SSC5D: variants seen among roughly 807,000 people sequenced by gnomAD.
The protein encoded by SSC5D is soluble scavenger receptor cysteine-rich domain-containing protein SSC5D.
In SSC5D, 106 loss-of-function variants were observed where a neutral mutation model predicts 104.6. The observed-to-expected ratio is 1.01, with a 90% CI of 0.87 to 1.19. SSC5D has a LOEUF of 1.19. Ranked by LOEUF, SSC5D falls within the 50% of genes most tolerant of loss-of-function variation. SSC5D has a pLI of 0.00. For synonymous variants in SSC5D, 860 were observed against 883.5 expected, an observed-to-expected ratio of 0.97 and a Z score of 0.47; for missense variants, 1,993 against 2,153.8, an observed-to-expected ratio of 0.93 and a Z score of 1.48.
intron 12 of SSC5D, among the ~76,000 whole-genome samples, chr19:55,508,888 TG>T (rs1293241010): frequency 6.8e-5 from 4 of 58,616 alleles, no homozygotes; most frequent in African/African-American, 3.2e-4. Flanking sequence ...CCACAGGGGA[TG>T]GGGGGAGGCC....
At chr19:55,493,090 C>G (rs1041094861) in intron 6 of SSC5D, among the ~76,000 whole-genome samples, 3 of 152,178 alleles carry the variant, frequency 2.0e-5, no homozygotes, top group Non-Finnish European at 4.4e-5. Flanking sequence ...AGGTTAATAT[C>G]TAGACTAGTG....
chr19:55,511,558 T>C (rs1987756981), intron 12 of SSC5D, among the ~76,000 whole-genome samples: 1 of 152,184 alleles, frequency 6.6e-6, no homozygotes, highest in Admixed American at 6.6e-5. Context: ...TGCTATGAAC[T>C]CCTTGTACCC....
rs869296361 is a variant in SSC5D, at chr19:55,506,373, ATTTTTTTTTTTT to A, written c.2785+5200_2785+5211del. 9.7e-4 allele frequency among the ~76,000 whole-genome samples: 70 copies of A among 72,060 alleles called. 1 individual carries two copies. The highest frequency in any genetic ancestry group is 3.1e-3 in the South Asian group (5 of 1,618). The allele number at this position is 72,060 out of a possible 152,430, so 47.3% of individuals were successfully genotyped here. On this transcript the variant is annotated intron_variant, in intron 12 of 13. Transcript: ENST00000389623. ...GAGATTGGAGGCCTGTGGAATTTGG[ATTTTTTTTTTTT>A]TTTTTTTTTTTTTTTTTTTTTTTTT...
rs1448767164 is a variant in SSC5D at position 55,498,104 on chromosome 19, G to A, written c.1612G>A (p.Val538Met). 1.3e-6 allele frequency: 2 copies of A among 1,551,732 alleles called. No individual in the cohort carries two copies. The highest frequency in any genetic ancestry group is 2.4e-5 in the East Asian group (1 of 40,920). The change falls in exon 9 of 14, where the codon GTG (valine) becomes ATG (methionine). Residue 538 changes from valine to methionine, a missense_variant. Transcript: ENST00000389623. The part of the protein sequence containing the change: ...GPIWLDDVGC[V>M]GTEASLSDCP... ...CATCTGGCTAGATGATGTGGGCTGT[G>A]TGGGGACCGAGGCTTCACTGTCCGA...
In SSC5D at chr19:55,513,261, C is replaced by A; in HGVS notation, c.2947+89C>A. 20 of 1,301,516 alleles carry A rather than the reference C, an allele frequency of 1.5e-5. No individual in the cohort carries two copies. The South Asian group carries it at 3.1e-4, about 20-fold the overall frequency. 80.6% of individuals were successfully genotyped at this position (1,301,516 alleles called of 1,614,324 possible). A position where few individuals can be genotyped will look rare whatever the true frequency, so the allele number is the denominator to read the frequency against. Reference sequence around the variant, plus strand: ...TCCAGACTCCCCACTGGAACCCTTACCCCAGAAAGACTCAGCAGAAATATA... The same window carrying A: ...TCCAGACTCCCCACTGGAACCCTTAACCCAGAAAGACTCAGCAGAAATATA... On this transcript the variant is annotated intron_variant, in intron 13 of 13. Coordinates refer to ENST00000389623, the MANE Select transcript of SSC5D (RefSeq NM_001144950.2).
At chr19:55,514,939 C>G (rs373207431) in intron 13 of SSC5D, among the ~76,000 whole-genome samples, 1 of 152,198 alleles carries the variant, frequency 6.6e-6, no homozygotes, top group Non-Finnish European at 1.5e-5. Flanking sequence ...GGAAGCCATG[C>G]AGCTGGGGTT....
rs1465190488 is a variant in SSC5D, at chr19:55,518,449, C to T, written c.4173C>T (p.Ser1391=). 1 of 1,551,328 alleles carries T rather than the reference C, an allele frequency of 6.4e-7. No homozygotes were observed. Among genetic ancestry groups the T allele is most frequent in the Admixed American group, 2.0e-5 (1 of 50,976 alleles). ...PTLEPSPALE[S]SPSRSSTATS... ...TAGAGCCCTCTCCAGCCTTGGAGTCCAGCCCCTCCAGGTCCTCCACAGCCA... is the reference window on the plus strand; with the variant it reads ...TAGAGCCCTCTCCAGCCTTGGAGTCTAGCCCCTCCAGGTCCTCCACAGCCA... The change falls in exon 14 of 14, where the codon TCC becomes TCT. Residue 1391 remains serine, a synonymous_variant. Transcript: ENST00000389623.
intron 12 of SSC5D, among the ~76,000 whole-genome samples, chr19:55,506,383 T>A (rs1987636291): frequency 1.5e-4 from 7 of 45,192 alleles, no homozygotes; most frequent in Non-Finnish European, 4.3e-5. Context: ...ATTTTTTTTT[T>A]TTTTTTTTTT....
Position 55,488,755 on chromosome 19 carries a change from C to T in SSC5D, c.25+141C>T, listed in dbSNP as rs986592925. Reference sequence around the variant, plus strand: ...ACCCTGACATCCCTTCTGAGGATCCCTGCTCAATCTGCCCAGCCTTCTGCC... The same window carrying T: ...ACCCTGACATCCCTTCTGAGGATCCTTGCTCAATCTGCCCAGCCTTCTGCC... On this transcript the variant is annotated intron_variant, in intron 1 of 13. Transcript: ENST00000389623. 15 of 795,806 alleles carry T rather than the reference C, an allele frequency of 1.9e-5. No homozygotes were observed. The African/African-American group carries it at 2.1e-4, about 11-fold the overall frequency. 49.3% of individuals were successfully genotyped at this position (795,806 alleles called of 1,614,324 possible).
chr19:55,490,895 G>T lies in SSC5D; in HGVS notation c.710G>T (p.Arg237Leu). ...WDLRDAAVACRELGCGGALAA... is the reference protein window; with the variant it reads ...WDLRDAAVACLELGCGGALAA... ...CTGCGCGACGCTGCTGTAGCCTGCC[G>T]GGAACTGGGCTGTGGGGGGGCGCTG... Residue 237 changes from arginine (R) to leucine (L), a missense_variant, in exon 6 of 14, where the codon CGG becomes CTG. Physicochemically the swap from Arg to Leu is moderately radical, Grantham distance 102 (BLOSUM62 -2). Coordinates refer to ENST00000389623, the MANE Select transcript of SSC5D (RefSeq NM_001144950.2). 6.5e-7 allele frequency: 1 copy of T among 1,545,872 alleles called. No individual in the cohort carries two copies. The highest frequency in any genetic ancestry group is 8.7e-7 in the Non-Finnish European group (1 of 1,144,540).
intron 12 of SSC5D, among the ~76,000 whole-genome samples, chr19:55,508,562 A>G (rs1987688112): frequency 6.6e-6 from 1 of 152,226 alleles, no homozygotes; most frequent in Non-Finnish European, 1.5e-5. Flanking sequence ...TTCAGACTCC[A>G]GATTCCACAC....
rs190817017 is a variant in SSC5D, at chr19:55,503,071, C to T, written c.2785+1870C>T. Among the ~76,000 whole-genome samples the T allele has an allele frequency of 3.6e-4, 54 of 152,076 alleles. No homozygotes were observed. The highest frequency in any genetic ancestry group is 6.5e-4 in the Non-Finnish European group (44 of 67,994). ...CTCGTGATCCGCCTGCCTCGGCCTCCCAAAGTGCTGGGATTACAGGGGTGA... is the reference window on the plus strand; with the variant it reads ...CTCGTGATCCGCCTGCCTCGGCCTCTCAAAGTGCTGGGATTACAGGGGTGA... On this transcript the variant is annotated intron_variant, in intron 12 of 13. Coordinates refer to ENST00000389623, the MANE Select transcript of SSC5D (RefSeq NM_001144950.2). This position sits in a 1 kb window ranked among gnomAD's most constrained non-coding sequence, Gnocchi z 4.0.
At chr19:55,509,029 G>A (rs1449716400) in intron 12 of SSC5D, among the ~76,000 whole-genome samples, 1 of 152,194 alleles carries the variant, frequency 6.6e-6, no homozygotes, top group African/African-American at 2.4e-5. Flanking sequence ...GCTTGCCAGG[G>A]AAGGAAGGGG....
At position 55,501,176 on chromosome 19, in the gene SSC5D, AG is replaced by A. The variant is rs1383776537; in HGVS notation, c.2761del (p.Ala921GlnfsTer2). 2 of 1,540,136 alleles carry A rather than the reference AG, an allele frequency of 1.3e-6. No individual in the cohort carries two copies. Among genetic ancestry groups the A allele is most frequent in the Non-Finnish European group, 1.8e-6 (2 of 1,142,320 alleles). ...TTRRPGSSSPAIRRLPDTGSK... is the reference protein window; with the variant it reads ...TTRRPGSSSPXIRRLPDTGSK... ...CCCGGCGCCCGGGTAGCTCCTCCCC[AG>A]CAATAAGGCGCCTGCCGGACACAGG... On this transcript the variant is annotated frameshift_variant, in exon 12 of 14. Coordinates refer to ENST00000389623, the MANE Select transcript of SSC5D (RefSeq NM_001144950.2). LOFTEE classifies it high-confidence loss of function.
chr19:55,490,955 C>T lies in SSC5D; in HGVS notation c.770C>T (p.Ala257Val), dbSNP rs1454212965. The change falls in exon 6 of 14, where the codon GCA (alanine) becomes GTA (valine). Residue 257 changes from alanine (A) to valine (V), a missense_variant. This residue lies in a region of SSC5D where 1,101 missense variants were observed against 1,085.0 expected (regional missense o/e 1.01). Coordinates refer to ENST00000389623, the MANE Select transcript of SSC5D (RefSeq NM_001144950.2). ...GGCGGTGCCAGATTCGGGCCTGGTG[C>T]AGGGCCCGTGTGGATGGACGATGTG... Reference protein sequence around the residue: ...APGGARFGPGAGPVWMDDVGC... With the variant: ...APGGARFGPGVGPVWMDDVGC... 2 of 1,546,058 alleles carry T rather than the reference C, an allele frequency of 1.3e-6. No homozygotes were observed. Among genetic ancestry groups the T allele is most frequent in the Non-Finnish European group, 1.7e-6 (2 of 1,144,676 alleles).
Position 55,490,296 on chromosome 19 carries a change from AGCCCCCC to A in SSC5D, c.479_485del (p.Pro160GlnfsTer27). The A allele has an allele frequency of 1.1e-6, 1 of 937,928 alleles. No homozygotes were observed. The highest frequency in any genetic ancestry group is 1.7e-6 in the Non-Finnish European group (1 of 600,334). The allele number at this position is 937,928 out of a possible 1,614,324, so 58.1% of individuals were successfully genotyped here. ...CTGACCCCTGGCTGTCTCCACTCCC[AGCCCCCC>A]GCCCAGCTGGGAACCCCCAGAACGC... On this transcript the variant is annotated splice_acceptor_variant and coding_sequence_variant, in exon 5 of 14. Coordinates refer to ENST00000389623, the MANE Select transcript of SSC5D (RefSeq NM_001144950.2). LOFTEE classifies it high-confidence loss of function.
chr19:55,489,066 C>A (rs759973949), intron 2 of SSC5D, 34 bp downstream of exon 2: 11 of 1,048,010 alleles, frequency 1.0e-5, no homozygotes, highest in East Asian at 1.0e-4. Flanking sequence ...CTGCCCGCCC[C>A]CCCCCCCAGG....
intron 13 of SSC5D, among the ~76,000 whole-genome samples, chr19:55,516,271 G>A (rs1987868350): frequency 1.3e-5 from 2 of 152,134 alleles, no homozygotes; most frequent in African/African-American, 4.8e-5. Flanking sequence ...GCCCAGGCGG[G>A]CGGATCACGA....
At position 55,490,838 on chromosome 19, in the gene SSC5D, G is replaced by A. The variant is rs548778172; in HGVS notation, c.653G>A (p.Arg218His). ...CGCCTGGAGGTCTGGCACGGCGGGC[G>A]CTGGGGCACCGTATGTGACGATGGC... ...AGRLEVWHGG[R>H]WGTVCDDGWD... The change falls in exon 6 of 14, where the codon CGC becomes CAC. Residue 218 changes from arginine to histidine, a missense_variant. Transcript: ENST00000389623. 3.7e-5 allele frequency: 57 copies of A among 1,547,220 alleles called. No individual in the cohort carries two copies. Among genetic ancestry groups the A allele is most frequent in the Admixed American group, 2.2e-4 (11 of 50,650 alleles).
Sources: allele counts gnomAD v4.1 joint callset (sites outside exome capture counted in the v4.1 genomes callset), GRCh38; gene constraint gnomAD v4.1.1; regional missense constraint gnomAD v4.1.1; non-coding constraint Gnocchi (gnomAD v3.1); transcripts MANE v1.5; gene names NCBI Gene and HGNC (gene_info 2026-07-23, HGNC 2026-07-21).